Variants in FBXL19 observed in about 807,000 individuals in gnomAD.
The protein encoded by FBXL19 is F-box/LRR-repeat protein 19.
A neutral mutation model predicts 71.2 loss-of-function variants in FBXL19; 16 were observed. The observed-to-expected ratio is 0.22, with a 90% CI of 0.15 to 0.34. FBXL19 has a LOEUF of 0.34. FBXL19 is among the 10% of genes least tolerant of loss of function. The pLI is 1.00. For synonymous variants in FBXL19, 447 were observed against 409.4 expected, an observed-to-expected ratio of 1.09 and a Z score of -1.11; for missense variants, 658 against 968.2, an observed-to-expected ratio of 0.68 and a Z score of 4.25.
chr16:30,925,474 C>T lies in FBXL19; in HGVS notation c.-24-257C>T, dbSNP rs1366356286. ...GGGCCTCGGTGTCCCCTCCTGCTCC[C>T]TGGGCTAGGGAAGGGACCCTGAGGA... On this transcript the variant is annotated intron_variant, in intron 1 of 10. Coordinates refer to ENST00000338343, the MANE Select transcript of FBXL19 (RefSeq NM_001382779.1). The surrounding 1 kb of genome is among the most constrained non-coding windows in gnomAD (Gnocchi z 5.0). 1.3e-5 allele frequency among the ~76,000 whole-genome samples: 2 copies of T among 152,108 alleles called. No individual in the cohort carries two copies. The highest frequency in any genetic ancestry group is 4.8e-5 in the African/African-American group (2 of 41,416).
At chr16:30,924,621 AC>A (rs2055568064) in intron 1 of FBXL19, 162 bp downstream of exon 1, 3 of 1,368,968 alleles carry the variant, frequency 2.2e-6, no homozygotes, top group Non-Finnish European at 2.8e-6. Flanking sequence ...ACCCTGGGGA[AC>A]TGGCCCTCCT....
chr16:30,922,910 G>A (rs1011518560), upstream of FBXL19: 1 of 396,500 alleles, frequency 2.5e-6, no homozygotes, highest in Non-Finnish European at 5.2e-6. Context: ...GACCGGGAGA[G>A]GCTAGGTAGC....
rs776069699 is a variant in FBXL19 at position 30,946,884 on chromosome 16, T to C, written c.1782T>C (p.Ser594=). The change falls in exon 10 of 11, where the codon AGT becomes AGC. Residue 594 remains serine, a synonymous_variant. Coordinates refer to ENST00000338343, the MANE Select transcript of FBXL19 (RefSeq NM_001382779.1). This position sits in a 1 kb window ranked among gnomAD's most constrained non-coding sequence, Gnocchi z 6.7. ...ACTGCGCCCACGTCGGGGACCCCAG[T>C]GTTCACCTCCTCACGGCCCCCACGT... ...LSHCAHVGDP[S]VHLLTAPTSP... The C allele has an allele frequency of 2.5e-6, 4 of 1,611,464 alleles. No individual in the cohort carries two copies. The highest frequency in any genetic ancestry group is 3.3e-5 in the Admixed American group (2 of 59,822).
intron 7 of FBXL19, among the ~76,000 whole-genome samples, chr16:30,932,145 T>A (rs2055681797): frequency 6.6e-6 from 1 of 152,192 alleles, no homozygotes; most frequent in Admixed American, 6.5e-5. Context: ...AGTGTTTTCT[T>A]GAGCTAATAC....
rs2055811641 is a variant in FBXL19 at position 30,942,316 on chromosome 16, G to A, written c.1465+37G>A. 1.3e-6 allele frequency: 2 copies of A among 1,598,828 alleles called. No individual in the cohort carries two copies. The highest frequency in any genetic ancestry group is 1.3e-5 in the African/African-American group (1 of 74,638). On this transcript the variant is annotated intron_variant, in intron 8 of 10. Coordinates refer to ENST00000338343, the MANE Select transcript of FBXL19 (RefSeq NM_001382779.1). This position sits in a 1 kb window ranked among gnomAD's most constrained non-coding sequence, Gnocchi z 5.7. ...GGTACGGAGGACAGGGTGGGGACAG[G>A]GACAGGCCTGGGATGGAGTCCTCAC...
intron 6 of FBXL19, 128 bp downstream of exon 6, chr16:30,928,756 C>T (rs952890548): frequency 2.4e-5 from 5 of 210,112 alleles, no homozygotes; most frequent in South Asian, 1.2e-4. Flanking sequence ...GGTGGGTGTC[C>T]GGACACCTGG....
At position 30,947,068 on chromosome 16, in the gene FBXL19, G is replaced by T. The variant is rs753909744; in HGVS notation, c.1863G>T (p.Thr621=). The change falls in exon 11 of 11, where the codon ACG becomes ACT. Residue 621 remains threonine, a synonymous_variant. Coordinates refer to ENST00000338343, the MANE Select transcript of FBXL19 (RefSeq NM_001382779.1). ...CATCCCCAGGTTGCCACCGCCTAACGGACCACTGCCTCCCGCTGTTCCGCC... is the reference window on the plus strand; with the variant it reads ...CATCCCCAGGTTGCCACCGCCTAACTGACCACTGCCTCCCGCTGTTCCGCC... ...HLNLAGCHRL[T]DHCLPLFRRC... 4 of 1,594,978 alleles carry T rather than the reference G, an allele frequency of 2.5e-6. No homozygotes were observed. The highest frequency in any genetic ancestry group is 1.7e-5 in the Admixed American group (1 of 58,270).
In FBXL19 at chr16:30,924,698, C is replaced by G. The variant is rs749340821; in HGVS notation, c.-25+239C>G. 3 of 1,484,770 alleles carry G rather than the reference C, an allele frequency of 2.0e-6. No individual in the cohort carries two copies. The East Asian group carries it at 8.2e-5, about 41-fold the overall frequency. 92.0% of individuals were successfully genotyped at this position (1,484,770 alleles called of 1,614,324 possible). On this transcript the variant is annotated intron_variant, in intron 1 of 10. Coordinates refer to ENST00000338343, the MANE Select transcript of FBXL19 (RefSeq NM_001382779.1). ...TGCAGTCGCCGCCCTCCAGGCCCCT[C>G]CCCTGGAGCGCTGGAGGGCCCCTTA...
chr16:30,931,009 GTC>G (rs1347197913), intron 7 of FBXL19, among the ~76,000 whole-genome samples: 1 of 152,100 alleles, frequency 6.6e-6, no homozygotes, highest in Non-Finnish European at 1.5e-5. Context: ...TCCGAAAACA[GTC>G]TGACGATTGG....
At chr16:30,928,030 T>G (rs1440050442) in intron 5 of FBXL19, 67 bp downstream of exon 5, 1 of 1,140,348 alleles carries the variant, frequency 8.8e-7, no homozygotes, top group African/African-American at 1.6e-5. Context: ...CCTGGCTGGT[T>G]CTGTGGGGCT....
In FBXL19 at chr16:30,930,978, G is replaced by C. The variant is rs994073513; in HGVS notation, c.1301+394G>C. ...ATAGCACTGAGTGCTGTACTGCATT[G>C]TCACTTCTCATACTGCCACTTCCGA... is the stretch of plus-strand genomic sequence containing the variant. On this transcript the variant is annotated intron_variant, in intron 7 of 10. Transcript: ENST00000338343. This position sits in a 1 kb window ranked among gnomAD's most constrained non-coding sequence, Gnocchi z 8.5. Among the ~76,000 whole-genome samples, 2 of 152,060 alleles carry C rather than the reference G, an allele frequency of 1.3e-5. No individual in the cohort carries two copies. Among genetic ancestry groups the C allele is most frequent in the African/African-American group, 4.8e-5 (2 of 41,384 alleles).
chr16:30,927,705 A>T (rs1258273252), intron 4 of FBXL19, 40 bp from the exon 5 acceptor site: 1 of 1,556,726 alleles, frequency 6.4e-7, no homozygotes. Flanking sequence ...GGTGTTGGGG[A>T]GCTGTGCAGG....
At position 30,925,804 on chromosome 16, in the gene FBXL19, C is replaced by CCCGCTGCCG; in HGVS notation, c.60_68dup (p.Arg21_Arg23dup). 6.7e-7 allele frequency: 1 copy of CCCGCTGCCG among 1,496,486 alleles called. No homozygotes were observed. The highest frequency in any genetic ancestry group is 8.9e-7 in the Non-Finnish European group (1 of 1,125,644). The allele number at this position is 1,496,486 out of a possible 1,614,324, so 92.7% of individuals were successfully genotyped here. A position where few individuals can be genotyped will look rare whatever the true frequency, so the allele number is the denominator to read the frequency against. On this transcript the variant is annotated inframe_insertion, in exon 2 of 11. Transcript: ENST00000338343. This position sits in a 1 kb window ranked among gnomAD's most constrained non-coding sequence, Gnocchi z 5.0. ...GGGGCCGGAGCGCGCCGACGCCGAA[C>CCCGCTGCCG]CCGCTGCCGCCGCTGCCGGGCCTGT...
rs748857908 is a variant in FBXL19, at chr16:30,930,410, A to G, written c.1127A>G (p.Gln376Arg). ...LGPAPPPRPP[Q>R]LERHVVRPPP... ...CCAGCCCCACCACCCCGGCCTCCAC[A>G]GCTGGAGCGGCACGTGGTGCGGCCC... Residue 376 changes from glutamine (Q) to arginine (R), a missense_variant, in exon 7 of 11, where the codon CAG (glutamine) becomes CGG (arginine). Transcript: ENST00000338343. The surrounding 1 kb of genome is among the most constrained non-coding windows in gnomAD (Gnocchi z 8.5). 1 of 1,527,110 alleles carries G rather than the reference A, an allele frequency of 6.5e-7. No individual in the cohort carries two copies. Among genetic ancestry groups the G allele is most frequent in the Non-Finnish European group, 8.8e-7 (1 of 1,141,930 alleles). 94.6% of individuals were successfully genotyped at this position (1,527,110 alleles called of 1,614,324 possible). A position where few individuals can be genotyped will look rare whatever the true frequency, so the allele number is the denominator to read the frequency against.
chr16:30,923,832 G>A lies in FBXL19; in HGVS notation c.-652G>A, dbSNP rs941199269. Among the ~76,000 whole-genome samples the A allele has an allele frequency of 6.6e-6, 1 of 151,616 alleles. No individual in the cohort carries two copies. Among genetic ancestry groups the A allele is most frequent in the Non-Finnish European group, 1.5e-5 (1 of 67,722 alleles). Reference sequence around the variant, plus strand: ...AGGTCGGGGGTGCGCGCGGGCTGGGGGGGGCGGGGCCGGAGCAGCTTCCTT... The same window carrying A: ...AGGTCGGGGGTGCGCGCGGGCTGGGAGGGGCGGGGCCGGAGCAGCTTCCTT... On this transcript the variant is annotated 5_prime_UTR_variant, in exon 1 of 11. Transcript: ENST00000338343.
intron 9 of FBXL19, among the ~76,000 whole-genome samples, chr16:30,943,700 A>G (rs1362239203): frequency 6.6e-6 from 1 of 152,088 alleles, no homozygotes; most frequent in East Asian, 1.9e-4. Context: ...ACAGGGTTTC[A>G]TCATGTTGTC....
At position 30,924,624 on chromosome 16, in the gene FBXL19, G is replaced by A. The variant is rs1191586887; in HGVS notation, c.-25+165G>A. ...TATGACCTCTCCACCCTGGGGAACTGGCCCTCCTTCCTAGACCCTGCTTCC... is the reference window on the plus strand; with the variant it reads ...TATGACCTCTCCACCCTGGGGAACTAGCCCTCCTTCCTAGACCCTGCTTCC... On this transcript the variant is annotated intron_variant, in intron 1 of 10. Coordinates refer to ENST00000338343, the MANE Select transcript of FBXL19 (RefSeq NM_001382779.1). The A allele has an allele frequency of 4.4e-6, 6 of 1,372,358 alleles. No homozygotes were observed. In the African/African-American group the frequency reaches 9.2e-5, roughly 21 times the overall value. The allele number at this position is 1,372,358 out of a possible 1,614,324, so 85.0% of individuals were successfully genotyped here. A position where few individuals can be genotyped will look rare whatever the true frequency, so the allele number is the denominator to read the frequency against.
rs960480152 is a variant in FBXL19 at position 30,948,201 on chromosome 16, T to C, written c.*971T>C. 6.3e-6 allele frequency: 1 copy of C among 158,648 alleles called. No homozygotes were observed. Among genetic ancestry groups the C allele is most frequent in the African/African-American group, 2.4e-5 (1 of 41,530 alleles). The allele number at this position is 158,648 out of a possible 1,614,324, so 9.8% of individuals were successfully genotyped here. A position where few individuals can be genotyped will look rare whatever the true frequency, so the allele number is the denominator to read the frequency against. Reference sequence around the variant, plus strand: ...GGCGGCACCCGCCGGACCCGCATTATGGCTGGGGGCGCCAGCCCAAGAATG... The same window carrying C: ...GGCGGCACCCGCCGGACCCGCATTACGGCTGGGGGCGCCAGCCCAAGAATG... On this transcript the variant is annotated 3_prime_UTR_variant, in exon 11 of 11. Coordinates refer to ENST00000338343, the MANE Select transcript of FBXL19 (RefSeq NM_001382779.1).
At chr16:30,929,981 C>G (rs544029840) in intron 6 of FBXL19, 92 bp from the exon 7 acceptor site, 8 of 1,500,948 alleles carry the variant, frequency 5.3e-6, no homozygotes, top group Admixed American at 2.0e-5. Context: ...GACTGTCCCT[C>G]GGGCTGTTCA....
Sources: allele counts gnomAD v4.1 joint callset (sites outside exome capture counted in the v4.1 genomes callset), GRCh38; gene constraint gnomAD v4.1.1; non-coding constraint Gnocchi (gnomAD v3.1); transcripts MANE v1.5; gene names NCBI Gene and HGNC (gene_info 2026-07-23, HGNC 2026-07-21).